Variants in TENM3 observed in about 807,000 individuals in gnomAD.
The protein encoded by TENM3 is teneurin-3.
TENM3 carries 63 observed loss-of-function variants against 255.1 expected under a neutral mutation model. The observed-to-expected ratio is 0.25, with a 90% confidence interval of 0.20 to 0.30. The LOEUF (loss-of-function observed/expected upper bound fraction) is 0.30, where lower values mean the gene tolerates loss of function less well. Ranked by LOEUF, TENM3 falls within the 10% of genes least tolerant of loss-of-function variation. The pLI, the probability that TENM3 is intolerant of heterozygous loss-of-function variation, is 1.00. For synonymous variants in TENM3, 1,306 were observed against 1,322.3 expected, an observed-to-expected ratio of 0.99 and a Z score of 0.27; for missense variants, 2,929 against 3,461.1, an observed-to-expected ratio of 0.85 and a Z score of 3.86.
chr4:182,302,225 C>T (rs1041983785), intron 1 of TENM3, among the ~76,000 whole-genome samples: 2 of 152,172 alleles, frequency 1.3e-5, no homozygotes, highest in Non-Finnish European at 2.9e-5. Context: ...ACGCCCCACC[C>T]CACCTGTTCT....
chr4:182,348,701 T>C (rs999466541), intron 3 of TENM3, among the ~76,000 whole-genome samples: 26 of 152,200 alleles, frequency 1.7e-4, no homozygotes, highest in African/African-American at 6.3e-4. Flanking sequence ...GGTATCTGTA[T>C]TGGTAAAATA....
chr4:181,563,323 T>A, the TENM3 span, among the ~76,000 whole-genome samples: 1 of 152,184 alleles, frequency 6.6e-6, no homozygotes, highest in African/African-American at 2.4e-5. Flanking sequence ...TCTGGCTTCA[T>A]CTGTACTAGG....
chr4:181,520,410 CGTGTGTGTGTGTAT>C, the TENM3 span, among the ~76,000 whole-genome samples: 3 of 151,836 alleles, frequency 2.0e-5, no homozygotes, highest in Admixed American at 2.0e-4. Flanking sequence ...GGGGTACCTG[CGTGTGTGTGTGTAT>C]GTGTGTGTGT....
chr4:182,784,065 T>G (rs1196549479), intron 24 of TENM3, among the ~76,000 whole-genome samples: 1 of 152,260 alleles, frequency 6.6e-6, no homozygotes, highest in Non-Finnish European at 1.5e-5. Context: ...TCGTCAGTCA[T>G]TCTCCATCCA....
intron 26 of TENM3, among the ~76,000 whole-genome samples, chr4:182,794,126 T>C (rs991512522): frequency 6.6e-6 from 1 of 152,160 alleles, no homozygotes; most frequent in African/African-American, 2.4e-5. Flanking sequence ...TGAAATGACA[T>C]GTACTCAGTC....
intron 1 of TENM3, among the ~76,000 whole-genome samples, chr4:182,161,456 G>A (rs1400985686): frequency 2.2e-5 from 3 of 136,450 alleles, no homozygotes; most frequent in South Asian, 2.4e-4. Context: ...GCGTGGTGGC[G>A]CACACCTGTA....
chr4:181,732,775 T>A, the TENM3 span, among the ~76,000 whole-genome samples: 1 of 149,542 alleles, frequency 6.7e-6, no homozygotes, highest in Non-Finnish European at 1.5e-5. Flanking sequence ...GTGGGATGAG[T>A]AGGGGGGCGG....
chr4:182,264,191 T>A (rs1759077439), intron 1 of TENM3, among the ~76,000 whole-genome samples: 1 of 152,254 alleles, frequency 6.6e-6, no homozygotes, highest in African/African-American at 2.4e-5. Context: ...AGTCTTAAGC[T>A]GCTGTATTTT....
At chr4:182,155,230 T>C (rs1186364798) in intron 1 of TENM3, among the ~76,000 whole-genome samples, 1 of 152,150 alleles carries the variant, frequency 6.6e-6, no homozygotes, top group African/African-American at 2.4e-5. Flanking sequence ...GGCTCTTATT[T>C]CTGAGGCTAC....
intron 1 of TENM3, among the ~76,000 whole-genome samples, chr4:182,194,294 C>T (rs150771880): frequency 1.3e-5 from 2 of 152,234 alleles, no homozygotes; most frequent in African/African-American, 4.8e-5. Context: ...CTGATTGGGA[C>T]GAAGCTGAGT....
chr4:181,831,569 A>G, the TENM3 span, among the ~76,000 whole-genome samples: 1 of 152,140 alleles, frequency 6.6e-6, no homozygotes, highest in South Asian at 2.1e-4. Flanking sequence ...GTGTACTGTA[A>G]AAAATTAAAA....
chr4:182,543,344 G>C (rs968864073), intron 3 of TENM3, among the ~76,000 whole-genome samples: 1 of 152,152 alleles, frequency 6.6e-6, no homozygotes, highest in Non-Finnish European at 1.5e-5. Flanking sequence ...AAAGAAGAAA[G>C]GTTCTATGTC....
chr4:181,888,591 C>CGTGTGTGTGTGTGTGTGTGTGT, the TENM3 span, among the ~76,000 whole-genome samples: 28 of 90,172 alleles, frequency 3.1e-4, no homozygotes, highest in African/African-American at 9.8e-4. Flanking sequence ...TATATATATG[C>CGTGTGTGTGTGTGTGTGTGTGT]GTGTGTGTGT....
the TENM3 span, among the ~76,000 whole-genome samples, chr4:181,456,186 T>A: frequency 7.8e-6 from 1 of 127,964 alleles, no homozygotes; most frequent in Admixed American, 7.9e-5. Context: ...TATGTATATA[T>A]GTATATGTGT....
In TENM3 at chr4:182,346,749, T is replaced by A; in HGVS notation, c.331T>A (p.Ser111Thr). 1 of 1,613,660 alleles carries A rather than the reference T, an allele frequency of 6.2e-7. No homozygotes were observed. The change falls in exon 3 of 28, where the codon TCT becomes ACT. Residue 111 changes from serine (S) to threonine (T), a missense_variant. Transcript: ENST00000511685. Reference protein sequence around the residue: ...AEMGLPHRGYSISAGSDADTE... With the variant: ...AEMGLPHRGYTISAGSDADTE... Reference sequence around the variant, plus strand: ...AATGGGGCTCCCTCACAGAGGTTACTCTATCAGTGCAGGGTCAGATGCTGA... The same window carrying A: ...AATGGGGCTCCCTCACAGAGGTTACACTATCAGTGCAGGGTCAGATGCTGA...
At chr4:182,723,369 A>T (rs1405504681) in intron 13 of TENM3, among the ~76,000 whole-genome samples, 1 of 152,074 alleles carries the variant, frequency 6.6e-6, no homozygotes, top group Non-Finnish European at 1.5e-5. Flanking sequence ...CAAATAAAAT[A>T]TTACATGGGA....
At chr4:181,451,751 G>C in the TENM3 span, among the ~76,000 whole-genome samples, 1 of 152,172 alleles carries the variant, frequency 6.6e-6, no homozygotes, top group South Asian at 2.1e-4. Context: ...GTTTGAAATG[G>C]ATGCAGAATA....
Position 182,754,833 on chromosome 4 carries a change from A to T in TENM3, c.4466A>T (p.Asp1489Val), listed in dbSNP as rs758778877. 2 of 1,614,032 alleles carry T rather than the reference A, an allele frequency of 1.2e-6. No homozygotes were observed. The highest frequency in any genetic ancestry group is 1.3e-5 in the African/African-American group (1 of 75,050). The change falls in exon 22 of 28, where the codon GAT becomes GTT. Residue 1489 changes from aspartate (D) to valine (V), a missense_variant. By Grantham distance (152) the Asp-to-Val change is radical. Coordinates refer to ENST00000511685, the MANE Select transcript of TENM3 (RefSeq NM_001080477.4). This position sits in a 1 kb window ranked among gnomAD's most constrained non-coding sequence, Gnocchi z 5.1. ...CCAGATGGTACACTGTATATTGCAG[A>T]TCTAGGGAATATCCGGATCCGGGCT... Reference protein sequence around the residue: ...ASPDGTLYIADLGNIRIRAVS... With the variant: ...ASPDGTLYIAVLGNIRIRAVS...
At chr4:182,308,893 TAAAAACAAACA>T (rs150212340) in intron 1 of TENM3, among the ~76,000 whole-genome samples, 12,371 of 152,194 alleles carry the variant, frequency 0.081, 613 homozygotes, top group East Asian at 0.14. Flanking sequence ...ACAATGTGTT[TAAAAACAAACA>T]ATAAACACCC....
Sources: gnomAD v4.1 joint callset for allele counts (sites outside exome capture counted in the v4.1 genomes callset) on GRCh38, gnomAD v4.1.1 for gene constraint, Gnocchi (gnomAD v3.1) non-coding constraint, MANE v1.5 for transcripts, NCBI Gene and HGNC (gene_info 2026-07-23, HGNC 2026-07-21) for gene names.